KCNH1: variants seen among roughly 807,000 people sequenced by gnomAD.
KCNH1 encodes potassium voltage-gated channel subfamily H member 1, also known as voltage-gated delayed rectifier potassium channel KCNH1.
A neutral mutation model predicts 69.2 loss-of-function variants in KCNH1; 27 were observed. The ratio of observed to expected loss-of-function variants is 0.39; its 90% CI spans 0.29 to 0.54. The LOEUF (loss-of-function observed/expected upper bound fraction) is 0.54, where lower values mean the gene tolerates loss of function less well. KCNH1 is among the 20% of genes least tolerant of loss of function. The pLI is 0.68. For missense variants in KCNH1, 798 were observed against 1,261.6 expected, an observed-to-expected ratio of 0.63 and a Z score of 5.57; for synonymous variants, 456 against 487.7, an observed-to-expected ratio of 0.93 and a Z score of 0.86.
At chr1:211,122,135 CAA>C (rs35480571) in intron 1 of KCNH1, among the ~76,000 whole-genome samples, 1 of 135,160 alleles carries the variant, frequency 7.4e-6, no homozygotes. Context: ...GACTCCGTCT[CAA>C]AAAAAAAAAC....
chr1:211,099,791 T>C (rs1174637078), intron 3 of KCNH1, among the ~76,000 whole-genome samples: 7 of 152,158 alleles, frequency 4.6e-5, no homozygotes, highest in Non-Finnish European at 1.0e-4. Context: ...ACGCAGGGCT[T>C]CCTACTTCCT....
intron 10 of KCNH1, among the ~76,000 whole-genome samples, chr1:210,764,629 C>A (rs1274608938): frequency 1.3e-5 from 2 of 152,162 alleles, no homozygotes; most frequent in African/African-American, 4.8e-5. Context: ...ACATCACTAT[C>A]ATCAAAGAAA....
chr1:211,054,484 T>C (rs1392170680), intron 5 of KCNH1, among the ~76,000 whole-genome samples: 1 of 152,108 alleles, frequency 6.6e-6, no homozygotes, highest in East Asian at 1.9e-4. Flanking sequence ...CTAAAATTTG[T>C]GAAATACAAA....
intron 10 of KCNH1, among the ~76,000 whole-genome samples, chr1:210,744,936 C>G (rs1038736371): frequency 1.3e-5 from 2 of 152,142 alleles, no homozygotes; most frequent in East Asian, 1.9e-4. Context: ...GGCATGGTGG[C>G]TCACTCCTGT....
At chr1:211,130,071 GACA>G (rs1482177136) in intron 1 of KCNH1, among the ~76,000 whole-genome samples, 3 of 152,124 alleles carry the variant, frequency 2.0e-5, no homozygotes, top group Non-Finnish European at 4.4e-5. Context: ...CAAACATTCT[GACA>G]ACAAGTGCCT....
At position 210,828,602 on chromosome 1, in the gene KCNH1, C is replaced by T. The variant is rs1406568683; in HGVS notation, c.1463-24436G>A. ...ACTGTACAAGCCCTGACAGACCACA[C>T]AGCCCAGGAATGAGTGAGCCAAGGA... On this transcript the variant is annotated intron_variant, in intron 7 of 10. Transcript: ENST00000271751. Among the ~76,000 whole-genome samples, 38 of 152,190 alleles carry T rather than the reference C, an allele frequency of 2.5e-4. 1 individual carries two copies. Among genetic ancestry groups the T allele is most frequent in the Non-Finnish European group, 1.5e-4 (10 of 68,024 alleles).
chr1:210,762,041 T>G (rs1683534470), intron 10 of KCNH1, among the ~76,000 whole-genome samples: 1 of 151,956 alleles, frequency 6.6e-6, no homozygotes, highest in Non-Finnish European at 1.5e-5. Context: ...AATCATACAG[T>G]GGAATAAAAA....
Position 210,680,984 on chromosome 1 carries a change from C to T in KCNH1, c.*2297G>A, listed in dbSNP as rs1681251231. ...GAGCTGGAGGGAAATGGCAGGGCCT[C>T]TTGACATTGACCGTTGGGTGCCAGA... On this transcript the variant is annotated 3_prime_UTR_variant, in exon 11 of 11. Transcript: ENST00000271751. The T allele has an allele frequency of 6.6e-6, 1 of 152,226 alleles. No homozygotes were observed. The allele number at this position is 152,226 out of a possible 1,614,324, so 9.4% of individuals were successfully genotyped here. A position where few individuals can be genotyped will look rare whatever the true frequency, so the allele number is the denominator to read the frequency against.
At chr1:210,907,388 A>G (rs1163681939) in intron 7 of KCNH1, among the ~76,000 whole-genome samples, 1 of 152,176 alleles carries the variant, frequency 6.6e-6, no homozygotes, top group African/African-American at 2.4e-5. Context: ...CCATATGTAG[A>G]TGCTTGCCAA....
chr1:210,878,519 A>T (rs913011470), intron 7 of KCNH1, among the ~76,000 whole-genome samples: 1 of 152,160 alleles, frequency 6.6e-6, no homozygotes. Context: ...AAATACTTGG[A>T]GAATAAACAT....
chr1:210,744,368 G>A (rs560713498), intron 10 of KCNH1, among the ~76,000 whole-genome samples: 17 of 152,262 alleles, frequency 1.1e-4, no homozygotes, highest in Middle Eastern at 3.4e-3. Flanking sequence ...AGGTTGAGCC[G>A]GACACGGTGG....
Position 211,062,303 on chromosome 1 carries a change from C to T in KCNH1, c.558+20477G>A, listed in dbSNP as rs144176916. Reference sequence around the variant, plus strand: ...AATTAGACCCCTATCTTGCACCCAACACAAAAATCAAATCAAAATGGATTA... The same window carrying T: ...AATTAGACCCCTATCTTGCACCCAATACAAAAATCAAATCAAAATGGATTA... On this transcript the variant is annotated intron_variant, in intron 5 of 10. Transcript: ENST00000271751. 3.9e-5 allele frequency among the ~76,000 whole-genome samples: 6 copies of T among 152,194 alleles called. No individual in the cohort carries two copies. The East Asian group carries it at 1.2e-3, about 29-fold the overall frequency.
At chr1:210,877,489 C>T (rs529444534) in intron 7 of KCNH1, among the ~76,000 whole-genome samples, 1 of 152,338 alleles carries the variant, frequency 6.6e-6, no homozygotes, top group East Asian at 1.9e-4. Flanking sequence ...GCTCCATTTT[C>T]TACATTTGCA....
At position 210,797,728 on chromosome 1, in the gene KCNH1, G is replaced by A. The variant is rs779603628; in HGVS notation, c.1695C>T (p.Ala565=). The A allele has an allele frequency of 1.1e-5, 18 of 1,613,838 alleles. No individual in the cohort carries two copies. Among genetic ancestry groups the A allele is most frequent in the East Asian group, 2.2e-5 (1 of 44,880 alleles). ...TGCGGTTCAGGTGCACGCAGATGTC[G>A]GCTCTCATGTCCTTGGGGCAGATCT... ...VLQICPKDMR[A]DICVHLNRKV... The change falls in exon 9 of 11, where the codon GCC becomes GCT. Residue 565 remains alanine (A), a synonymous_variant. Coordinates refer to ENST00000271751, the MANE Select transcript of KCNH1 (RefSeq NM_172362.3).
chr1:211,037,583 C>T (rs1689921062), intron 5 of KCNH1, among the ~76,000 whole-genome samples: 1 of 149,476 alleles, frequency 6.7e-6, no homozygotes, highest in African/African-American at 2.5e-5. Context: ...ACATGCCTTC[C>T]TGTCATCTTA....
At chr1:210,828,226 C>T (rs17188658) in intron 7 of KCNH1, among the ~76,000 whole-genome samples, 4,690 of 152,132 alleles carry the variant, frequency 0.031, 107 homozygotes, top group Non-Finnish European at 0.047. Flanking sequence ...ATGTTCATGA[C>T]GATGGGAGGA....
At chr1:210,859,361 C>A in intron 7 of KCNH1, 1 of 1,523,292 alleles carries the variant, frequency 6.6e-7, no homozygotes, top group Non-Finnish European at 9.1e-7. Context: ...AGACCCTGAT[C>A]CCACACAGGA....
intron 10 of KCNH1, among the ~76,000 whole-genome samples, chr1:210,693,878 C>T (rs1681579861): frequency 6.6e-6 from 1 of 152,118 alleles, no homozygotes; most frequent in African/African-American, 2.4e-5. Context: ...AGGGCTTTGG[C>T]CCCTAATGTT....
intron 6 of KCNH1, among the ~76,000 whole-genome samples, chr1:210,944,904 C>T (rs1054722785): frequency 6.6e-6 from 1 of 152,196 alleles, no homozygotes; most frequent in Non-Finnish European, 1.5e-5. Flanking sequence ...ACCCATTAAA[C>T]ACTAATTTCA....
Sources: allele counts gnomAD v4.1 joint callset (sites outside exome capture counted in the v4.1 genomes callset), GRCh38; gene constraint gnomAD v4.1.1; transcripts MANE v1.5; gene names NCBI Gene and HGNC (gene_info 2026-07-23, HGNC 2026-07-21).